ACOX1: variants seen among roughly 807,000 people sequenced by gnomAD.
The protein encoded by ACOX1 is acyl-CoA oxidase 1.
ACOX1 carries 41 observed loss-of-function variants against 75.5 expected under a neutral mutation model. That is an observed-to-expected ratio of 0.54 (90% CI 0.42 to 0.70). The LOEUF is 0.70. Among genes scored for constraint, ACOX1 ranks in the 30% least tolerant of loss-of-function variants. The probability of loss-of-function intolerance (pLI) is 0.00; values close to 1 mark genes in which losing one functional copy is unlikely to be tolerated. For missense variants in ACOX1, 630 were observed against 837.5 expected, an observed-to-expected ratio of 0.75 and a Z score of 3.06; for synonymous variants, 303 against 298.8, an observed-to-expected ratio of 1.01 and a Z score of -0.15.
intron 6 of ACOX1, among the ~76,000 whole-genome samples, chr17:75,954,153 T>A (rs1312115939): frequency 2.8e-4 from 41 of 148,166 alleles, no homozygotes; most frequent in African/African-American, 9.8e-4. Flanking sequence ...GAGGCGGAGG[T>A]TTCAGTGAGC....
rs762221413 is a variant in ACOX1 at position 75,948,365 on chromosome 17, A to G, written c.1821T>C (p.Val607=). 6 of 1,614,058 alleles carry G rather than the reference A, an allele frequency of 3.7e-6. No individual in the cohort carries two copies. Among genetic ancestry groups the G allele is most frequent in the Non-Finnish European group, 4.2e-6 (5 of 1,180,024 alleles). ...TCACATCCTGAAAATCAAATGCATC[A>G]ACCAAAGCAACAGCATCTGAGCGAA... ...TLIRSDAVAL[V]DAFDFQDVTL... is the part of the protein sequence containing the mutation. The change falls in exon 13 of 14, where the codon GTT becomes GTC. Residue 607 remains valine, a synonymous_variant. Coordinates refer to ENST00000293217, the MANE Select transcript of ACOX1 (RefSeq NM_004035.7).
rs2065760134 is a variant in ACOX1 at position 75,950,041 on chromosome 17, A to G, written c.1299-144T>C. 1 of 876,812 alleles carries G rather than the reference A, an allele frequency of 1.1e-6. No homozygotes were observed. The highest frequency in any genetic ancestry group is 2.0e-5 in the Admixed American group (1 of 49,586). 54.3% of individuals were successfully genotyped at this position (876,812 alleles called of 1,614,324 possible). On this transcript the variant is annotated intron_variant, in intron 9 of 13. Transcript: ENST00000293217. This position sits in a 1 kb window ranked among gnomAD's most constrained non-coding sequence, Gnocchi z 4.3. ...TGCAACCTCCTCCTCTTGGGTTCAA[A>G]TGAATGATTCTCCTGCCTCAGCCTC...
rs1175332434 is a variant in ACOX1 at position 75,977,548 on chromosome 17, A to G, written c.269+986T>C. Among the ~76,000 whole-genome samples, 45 of 152,136 alleles carry G rather than the reference A, an allele frequency of 3.0e-4. 1 individual carries two copies. Among genetic ancestry groups the G allele is most frequent in the Non-Finnish European group, 1.5e-5 (1 of 68,040 alleles). ...GCCACTGCACTGCAGCCTGGGCGAC[A>G]GAGCGAGACTCCGTCTCAAAAAACA... On this transcript the variant is annotated intron_variant, in intron 2 of 13. Coordinates refer to ENST00000293217, the MANE Select transcript of ACOX1 (RefSeq NM_004035.7).
intron 2 of ACOX1, among the ~76,000 whole-genome samples, chr17:75,966,142 A>T (rs1380848836): frequency 6.6e-6 from 1 of 151,012 alleles, no homozygotes; most frequent in East Asian, 2.0e-4. Flanking sequence ...AAAAGAAAAA[A>T]AATAATAAAT....
rs576884831 is a variant in ACOX1 at position 75,945,612 on chromosome 17, C to G, written c.*1136G>C. 6.8e-6 allele frequency: 1 copy of G among 147,974 alleles called. No individual in the cohort carries two copies. Among genetic ancestry groups the G allele is most frequent in the African/African-American group, 2.7e-5 (1 of 36,382 alleles). 9.2% of individuals were successfully genotyped at this position (147,974 alleles called of 1,614,324 possible). ...AAAAAATTAATTAAGATGTATTTAA[C>G]CTTTAAGTATAGAATGATTGTATAA... On this transcript the variant is annotated 3_prime_UTR_variant, in exon 14 of 14. Coordinates refer to ENST00000293217, the MANE Select transcript of ACOX1 (RefSeq NM_004035.7).
In ACOX1 at chr17:75,949,896, A is replaced by T; in HGVS notation, c.1300T>A (p.Phe434Ile). 1.2e-6 allele frequency: 2 copies of T among 1,614,196 alleles called. No individual in the cohort carries two copies. The highest frequency in any genetic ancestry group is 1.7e-6 in the Non-Finnish European group (2 of 1,180,036). ...ACCTGATCATAACTTTTCATCAGGA[A>T]CCTAAAAGTCACCAGTAAACATGCT... ...NTVMMLQTAR[F>I]LMKSYDQVHS... The change falls in exon 10 of 14, where the codon TTC becomes ATC. Residue 434 changes from phenylalanine to isoleucine, a missense_variant and splice_region_variant. Around this residue, in one of 2 missense-constraint regions of ACOX1, gnomAD observed 390 missense variants for 574.9 expected, o/e 0.68. Coordinates refer to ENST00000293217, the MANE Select transcript of ACOX1 (RefSeq NM_004035.7).
chr17:75,966,839 T>C (rs1055742045), intron 2 of ACOX1, among the ~76,000 whole-genome samples: 2 of 151,982 alleles, frequency 1.3e-5, no homozygotes, highest in African/African-American at 4.8e-5. Context: ...AAATTTATGT[T>C]AGAAGAAAAA....
At chr17:75,946,947 C>T (rs1470763487) in intron 13 of ACOX1, 152 bp from the exon 14 acceptor site, 3 of 699,676 alleles carry the variant, frequency 4.3e-6, no homozygotes, top group African/African-American at 1.8e-5. Context: ...TGGCTCACTA[C>T]AGCCTCTGCC....
At chr17:75,951,918 G>A (rs1209889029) in intron 7 of ACOX1, among the ~76,000 whole-genome samples, 1 of 147,404 alleles carries the variant, frequency 6.8e-6, no homozygotes, top group Non-Finnish European at 1.5e-5. Flanking sequence ...AAGTTCAAGC[G>A]ATTCTCTTGC....
At position 75,949,213 on chromosome 17, in the gene ACOX1, T is replaced by G; in HGVS notation, c.1728+4A>C. ...AAAAAGACTTATACTTAGAAAATAC[T>G]GACCTGAAGGAAATCCCCCGCGTTC... is the stretch of plus-strand genomic sequence containing the variant. On this transcript the variant is annotated splice_donor_region_variant and intron_variant, in intron 12 of 13. Coordinates refer to ENST00000293217, the MANE Select transcript of ACOX1 (RefSeq NM_004035.7). 6.2e-7 allele frequency: 1 copy of G among 1,614,192 alleles called. No individual in the cohort carries two copies. The highest frequency in any genetic ancestry group is 8.5e-7 in the Non-Finnish European group (1 of 1,180,024).
At chr17:75,951,605 T>C (rs1467286238) in intron 7 of ACOX1, 28 bp from the exon 8 acceptor site, 3 of 1,611,966 alleles carry the variant, frequency 1.9e-6, no homozygotes, top group African/African-American at 1.3e-5. Flanking sequence ...AGAAAAAAAG[T>C]AGTAAGTAAA....
chr17:75,968,605 GAAAAA>G (rs56009651), intron 2 of ACOX1, among the ~76,000 whole-genome samples: 1 of 69,230 alleles, frequency 1.4e-5, no homozygotes. Context: ...GACTCCGCCT[GAAAAA>G]AAAAAAAAAA....
chr17:75,948,111 T>C (rs1251098028), intron 13 of ACOX1, 140 bp downstream of exon 13: 47 of 825,918 alleles, frequency 5.7e-5, no homozygotes, highest in Non-Finnish European at 7.1e-5. Flanking sequence ...CTTCTGAACC[T>C]GTTGCTCAAA....
In ACOX1 at chr17:75,956,913, CTCTCTCTCTCT is replaced by C. The variant is rs1567877664; in HGVS notation, c.538+535_538+545del. Among the ~76,000 whole-genome samples the C allele has an allele frequency of 8.6e-4, 37 of 42,930 alleles. 4 individuals are homozygous for C. Among genetic ancestry groups the C allele is most frequent in the African/African-American group, 1.6e-3 (16 of 10,112 alleles). The allele number at this position is 42,930 out of a possible 152,430, so 28.2% of individuals were successfully genotyped here. On this transcript the variant is annotated intron_variant, in intron 4 of 13. Coordinates refer to ENST00000293217, the MANE Select transcript of ACOX1 (RefSeq NM_004035.7). Reference sequence around the variant, plus strand: ...ATGTGCCGCTATGCCTGGCTTTCCTCTCTCTCTCTCTCTCTCTCTCTCTCTCTCTCTCTCTC... The same window carrying C: ...ATGTGCCGCTATGCCTGGCTTTCCTCCTCTCTCTCTCTCTCTCTCTCTCTC...
chr17:75,973,089 A>C (rs1212516779), intron 2 of ACOX1, among the ~76,000 whole-genome samples: 1 of 152,234 alleles, frequency 6.6e-6, no homozygotes, highest in Non-Finnish European at 1.5e-5. Flanking sequence ...TGGCAACACA[A>C]GAGTTCCCAG....
At chr17:75,964,225 C>T (rs1299898114) in intron 2 of ACOX1, among the ~76,000 whole-genome samples, 1 of 147,632 alleles carries the variant, frequency 6.8e-6, no homozygotes, top group African/African-American at 2.5e-5. Flanking sequence ...CCAAGAAAAA[C>T]ACATTCATGG....
chr17:75,954,534 A>AG, intron 6 of ACOX1, among the ~76,000 whole-genome samples: 1 of 142,620 alleles, frequency 7.0e-6, no homozygotes, highest in Non-Finnish European at 1.5e-5. Context: ...AAAAAAAAAA[A>AG]GGGGCATCAG....
At chr17:75,969,688 G>A (rs1242617811) in intron 2 of ACOX1, among the ~76,000 whole-genome samples, 1 of 152,076 alleles carries the variant, frequency 6.6e-6, no homozygotes, top group Non-Finnish European at 1.5e-5. Context: ...TTCAAAGAAA[G>A]GTGCATTATT....
chr17:75,978,754 C>G lies in ACOX1; in HGVS notation c.110-61G>C. 1.9e-6 allele frequency: 3 copies of G among 1,611,946 alleles called. No individual in the cohort carries two copies. The highest frequency in any genetic ancestry group is 2.5e-6 in the Non-Finnish European group (3 of 1,179,972). The stretch of plus-strand genomic sequence containing the variant: ...GACACTCGGGCCTCCGTTCCACCCT[C>G]CCTGAATCACAATAGGCTTCAGAGT... On this transcript the variant is annotated intron_variant, in intron 1 of 13. Coordinates refer to ENST00000293217, the MANE Select transcript of ACOX1 (RefSeq NM_004035.7). This position sits in a 1 kb window ranked among gnomAD's most constrained non-coding sequence, Gnocchi z 4.2.
Sources: allele counts gnomAD v4.1 joint callset (sites outside exome capture counted in the v4.1 genomes callset), GRCh38; gene constraint gnomAD v4.1.1; regional missense constraint gnomAD v4.1.1; non-coding constraint Gnocchi (gnomAD v3.1); transcripts MANE v1.5; gene names NCBI Gene and HGNC (gene_info 2026-07-23, HGNC 2026-07-21).